NSUN7: variants seen among roughly 807,000 people sequenced by gnomAD.
The protein encoded by NSUN7 is protein NSUN7.
In NSUN7, 39 loss-of-function variants were observed where a neutral mutation model predicts 58.5. The ratio of observed to expected loss-of-function variants is 0.67; its 90% confidence interval spans 0.52 to 0.87. The LOEUF (loss-of-function observed/expected upper bound fraction) is 0.87, where lower values mean the gene tolerates loss of function less well. Among genes scored for constraint, NSUN7 ranks in the 40% least tolerant of loss-of-function variants. The probability of loss-of-function intolerance (pLI) is 0.00; values close to 1 mark genes in which losing one functional copy is unlikely to be tolerated. For synonymous variants in NSUN7, 278 were observed against 303.7 expected (o/e 0.92, Z 0.88); for missense variants, 765 against 844.1 (o/e 0.91, Z 1.16).
In NSUN7 at chr4:40,808,608, T is replaced by C. The variant is rs567275190; in HGVS notation, c.1826T>C (p.Leu609Pro). Residue 609 changes from leucine (L) to proline (P), a missense_variant, in exon 12 of 12, where the codon CTG (leucine) becomes CCG (proline). Coordinates refer to ENST00000381782, the MANE Select transcript of NSUN7 (RefSeq NM_024677.6). Reference sequence around the variant, plus strand: ...TCACAGACCAGAAAACCCAACAAGCTGGCCCCCCATCCTGCAGTGCCTGCA... The same window carrying C: ...TCACAGACCAGAAAACCCAACAAGCCGGCCCCCCATCCTGCAGTGCCTGCA... Reference protein sequence around the residue: ...ASSQTRKPNKLAPHPAVPAFV... With the variant: ...ASSQTRKPNKPAPHPAVPAFV... The C allele has an allele frequency of 6.4e-7, 1 of 1,551,758 alleles. No individual in the cohort carries two copies. Among genetic ancestry groups the C allele is most frequent in the African/African-American group, 1.4e-5 (1 of 73,114 alleles).
chr4:40,757,556 TTA>T lies in NSUN7; in HGVS notation c.299-2865_299-2864del, dbSNP rs558638656. Among the ~76,000 whole-genome samples, 315 of 141,956 alleles carry T rather than the reference TTA, an allele frequency of 2.2e-3. 2 individuals are homozygous for T. Among genetic ancestry groups the T allele is most frequent in the African/African-American group, 7.8e-3 (282 of 36,256 alleles). The allele number at this position is 141,956 out of a possible 152,430, so 93.1% of individuals were successfully genotyped here. ...AAAATTATATATATATATATAAAAA[TTA>T]TATATATATATAAATTGCATATATA... On this transcript the variant is annotated intron_variant, in intron 2 of 11. Transcript: ENST00000381782.
chr4:40,809,159 T>A lies in NSUN7; in HGVS notation c.*220T>A. ...AGAGACTTCAGCCAATCACTGCTGC[T>A]CTGAGAGGATCCAGTTAGAGACTCA... is the stretch of plus-strand genomic sequence containing the variant. On this transcript the variant is annotated 3_prime_UTR_variant, in exon 12 of 12. Coordinates refer to ENST00000381782, the MANE Select transcript of NSUN7 (RefSeq NM_024677.6). 2.0e-6 allele frequency: 1 copy of A among 488,400 alleles called. No homozygotes were observed. The allele number at this position is 488,400 out of a possible 1,614,324, so 30.3% of individuals were successfully genotyped here.
intron 7 of NSUN7, chr4:40,786,371 AG>A (rs1742824481): frequency 1.2e-6 from 2 of 1,611,932 alleles, no homozygotes; most frequent in African/African-American, 2.7e-5. Flanking sequence ...CCACTGTGGA[AG>A]TCATATACCA....
At position 40,808,967 on chromosome 4, in the gene NSUN7, A is replaced by C; in HGVS notation, c.*28A>C. ...GTCTTGTGTTTTTTATAGGGGCCAA[A>C]GAGCAGTTGATTTTTTTTCAAAGTC... On this transcript the variant is annotated 3_prime_UTR_variant, in exon 12 of 12. Coordinates refer to ENST00000381782, the MANE Select transcript of NSUN7 (RefSeq NM_024677.6). The C allele has an allele frequency of 6.8e-7, 1 of 1,473,856 alleles. No individual in the cohort carries two copies. The highest frequency in any genetic ancestry group is 1.4e-5 in the African/African-American group (1 of 70,398). The allele number at this position is 1,473,856 out of a possible 1,614,324, so 91.3% of individuals were successfully genotyped here. A position where few individuals can be genotyped will look rare whatever the true frequency, so the allele number is the denominator to read the frequency against.
chr4:40,753,711 T>C (rs1244945791), intron 2 of NSUN7, among the ~76,000 whole-genome samples: 1 of 152,230 alleles, frequency 6.6e-6, no homozygotes, highest in Non-Finnish European at 1.5e-5. Context: ...ATGGTTTGGC[T>C]GTGTCCCCAC....
chr4:40,795,707 G>A (rs968989300), intron 9 of NSUN7, among the ~76,000 whole-genome samples: 1 of 152,000 alleles, frequency 6.6e-6, no homozygotes, highest in Admixed American at 6.6e-5. Context: ...TGTAATCAGG[G>A]GTTTGACTCC....
At position 40,811,168 on chromosome 4, in the gene NSUN7, A is replaced by G. The variant is rs1744320509; in HGVS notation, c.*2229A>G. On this transcript the variant is annotated 3_prime_UTR_variant, in exon 12 of 12. Coordinates refer to ENST00000381782, the MANE Select transcript of NSUN7 (RefSeq NM_024677.6). ...GAAGTATATGAAGATTCTGAATTAAACCATTCATTAATTACACTGCAGTTT... is the reference window on the plus strand; with the variant it reads ...GAAGTATATGAAGATTCTGAATTAAGCCATTCATTAATTACACTGCAGTTT... 1 of 152,240 alleles carries G rather than the reference A, an allele frequency of 6.6e-6. No individual in the cohort carries two copies. The highest frequency in any genetic ancestry group is 6.5e-5 in the Admixed American group (1 of 15,282). 9.4% of individuals were successfully genotyped at this position (152,240 alleles called of 1,614,324 possible).
intron 10 of NSUN7, among the ~76,000 whole-genome samples, chr4:40,803,556 C>T (rs1743694745): frequency 6.6e-6 from 1 of 152,110 alleles, no homozygotes; most frequent in Non-Finnish European, 1.5e-5. Flanking sequence ...AGCTTTTTTT[C>T]ATGTGTATGT....
At chr4:40,797,339 T>G (rs1743364716) in intron 9 of NSUN7, among the ~76,000 whole-genome samples, 1 of 152,140 alleles carries the variant, frequency 6.6e-6, no homozygotes, top group African/African-American at 2.4e-5. Flanking sequence ...AGTCTAAACT[T>G]CCTCTTGAAA....
intron 10 of NSUN7, among the ~76,000 whole-genome samples, chr4:40,800,557 C>T (rs1477176800): frequency 2.0e-5 from 3 of 152,140 alleles, no homozygotes; most frequent in Admixed American, 2.0e-4. Context: ...CCAGGCTGGT[C>T]TTGAACTCCT....
chr4:40,757,392 A>G (rs1334300294), intron 2 of NSUN7, among the ~76,000 whole-genome samples: 2 of 151,908 alleles, frequency 1.3e-5, no homozygotes, highest in African/African-American at 4.8e-5. Flanking sequence ...GTTTAGTAGG[A>G]TAGATATATT....
intron 2 of NSUN7, among the ~76,000 whole-genome samples, chr4:40,753,376 A>G (rs375633168): frequency 1.4e-4 from 21 of 151,786 alleles, no homozygotes; most frequent in Admixed American, 9.2e-4. Flanking sequence ...ACCCAGGTTC[A>G]AGCACTTCTC....
chr4:40,760,414 G>A lies in NSUN7; in HGVS notation c.299-20G>A. 1.9e-6 allele frequency: 3 copies of A among 1,596,540 alleles called. No individual in the cohort carries two copies. The highest frequency in any genetic ancestry group is 1.1e-5 in the South Asian group (1 of 88,918). On this transcript the variant is annotated intron_variant, in intron 2 of 11. Coordinates refer to ENST00000381782, the MANE Select transcript of NSUN7 (RefSeq NM_024677.6). Reference sequence around the variant, plus strand: ...TTCCGCTTTGTATTTTCAGTAACAGGCCTTTCCCTTGTTTTGCAGATCAAG... The same window carrying A: ...TTCCGCTTTGTATTTTCAGTAACAGACCTTTCCCTTGTTTTGCAGATCAAG...
At chr4:40,756,383 T>C (rs1741145127) in intron 2 of NSUN7, among the ~76,000 whole-genome samples, 1 of 152,230 alleles carries the variant, frequency 6.6e-6, no homozygotes, top group African/African-American at 2.4e-5. Flanking sequence ...AAGAGATCCC[T>C]GAAGCAGACT....
chr4:40,761,416 T>C lies in NSUN7; in HGVS notation c.488+115T>C, dbSNP rs1741459344. 6.5e-6 allele frequency: 5 copies of C among 767,124 alleles called. No individual in the cohort carries two copies. In the South Asian group the frequency reaches 1.0e-4, roughly 16 times the overall value. The allele number at this position is 767,124 out of a possible 1,614,324, so 47.5% of individuals were successfully genotyped here. Reference sequence around the variant, plus strand: ...GAGTTAAATTTTATAGGGAAAAATATAAAAATTCATAAAATTCTTGAATTT... The same window carrying C: ...GAGTTAAATTTTATAGGGAAAAATACAAAAATTCATAAAATTCTTGAATTT... On this transcript the variant is annotated intron_variant, in intron 4 of 11. Transcript: ENST00000381782.
chr4:40,785,980 G>T (rs1235310212), intron 7 of NSUN7: 15 of 1,274,604 alleles, frequency 1.2e-5, no homozygotes, highest in Non-Finnish European at 1.6e-5. Context: ...CTCCCCAGCG[G>T]CTGGGAGAGA....
At chr4:40,751,070 C>G in intron 2 of NSUN7, 79 bp downstream of exon 2, 5 of 1,489,148 alleles carry the variant, frequency 3.4e-6, no homozygotes, top group African/African-American at 1.4e-5. Context: ...CCCTCCTCCT[C>G]CCTTCCCCTC....
chr4:40,773,749 C>G (rs1742125034), intron 4 of NSUN7, among the ~76,000 whole-genome samples: 1 of 151,782 alleles, frequency 6.6e-6, no homozygotes, highest in African/African-American at 2.4e-5. Flanking sequence ...TGCTGCACAA[C>G]TATACAGGGG....
chr4:40,807,968 A>T (rs1254231540), intron 11 of NSUN7, among the ~76,000 whole-genome samples: 2 of 129,156 alleles, frequency 1.5e-5, no homozygotes, highest in African/African-American at 5.9e-5. Flanking sequence ...TGAACTTGGG[A>T]GGTGGAGGTT....
Sources: gnomAD v4.1 joint callset for allele counts (sites outside exome capture counted in the v4.1 genomes callset) on GRCh38, gnomAD v4.1.1 for gene constraint, MANE v1.5 for transcripts, NCBI Gene and HGNC (gene_info 2026-07-23, HGNC 2026-07-21) for gene names.